The following PRDM4 variants were observed in gnomAD, a reference collection of about 807,000 sequenced individuals.
PRDM4 encodes the protein PR domain zinc finger protein 4.
Under a neutral mutation model 62.3 loss-of-function variants are expected in PRDM4, and 38 were observed. That is an observed-to-expected ratio of 0.61 (90% CI 0.47 to 0.80). PRDM4 has a LOEUF of 0.80. PRDM4 is among the 30% of genes least tolerant of loss of function. The probability of loss-of-function intolerance (pLI) is 0.00; values close to 1 mark genes in which losing one functional copy is unlikely to be tolerated. For synonymous variants in PRDM4, 339 were observed against 348.2 expected, an observed-to-expected ratio of 0.97 and a Z score of 0.30; for missense variants, 858 against 997.1, an observed-to-expected ratio of 0.86 and a Z score of 1.88.
intron 5 of PRDM4, among the ~76,000 whole-genome samples, chr12:107,750,016 G>A (rs773057841): frequency 1.2e-4 from 18 of 152,174 alleles, no homozygotes; most frequent in Non-Finnish European, 1.9e-4. Flanking sequence ...GTGCTAACAT[G>A]TATGTTACTT....
intron 3 of PRDM4, among the ~76,000 whole-genome samples, chr12:107,754,596 T>C (rs571757641): frequency 6.6e-6 from 1 of 152,288 alleles, no homozygotes; most frequent in East Asian, 1.9e-4. Flanking sequence ...TTGGCCAGGC[T>C]GGTCTCGAAC....
intron 4 of PRDM4, among the ~76,000 whole-genome samples, chr12:107,752,694 T>C (rs1470816276): frequency 6.6e-6 from 1 of 152,110 alleles, no homozygotes; most frequent in Non-Finnish European, 1.5e-5. Flanking sequence ...CTTGGGAGGA[T>C]ATGGTGAAAT....
intron 3 of PRDM4, chr12:107,754,993 T>G (rs1454445958): frequency 6.6e-6 from 1 of 152,258 alleles, no homozygotes; most frequent in Non-Finnish European, 1.5e-5. Context: ...GAGTTATATG[T>G]ACTTGCAAAG....
chr12:107,739,684 C>G, intron 10 of PRDM4, 133 bp from the exon 11 acceptor site: 1 of 871,960 alleles, frequency 1.1e-6, no homozygotes, highest in Non-Finnish European at 1.7e-6. Flanking sequence ...ATTTTACTTT[C>G]TAGGGTTGTC....
chr12:107,736,334 G>A (rs1345563918), intron 11 of PRDM4, among the ~76,000 whole-genome samples: 1 of 152,216 alleles, frequency 6.6e-6, no homozygotes, highest in African/African-American at 2.4e-5. Context: ...AGATAAGATA[G>A]TCAAGGAAGG....
In PRDM4 at chr12:107,756,690, C is replaced by T. The variant is rs1038821451; in HGVS notation, c.145+142G>A. 4 of 965,456 alleles carry T rather than the reference C, an allele frequency of 4.1e-6. No homozygotes were observed. In the African/African-American group the frequency reaches 5.0e-5, roughly 12 times the overall value. The allele number at this position is 965,456 out of a possible 1,614,324, so 59.8% of individuals were successfully genotyped here. Reference sequence around the variant, plus strand: ...AAACCTTATTTTCCATTACCTATCACATGTTGAACCACCATTCAGGCCTGC... The same window carrying T: ...AAACCTTATTTTCCATTACCTATCATATGTTGAACCACCATTCAGGCCTGC... On this transcript the variant is annotated intron_variant, in intron 3 of 11. Transcript: ENST00000228437.
At chr12:107,739,642 C>A in intron 10 of PRDM4, 91 bp from the exon 11 acceptor site, 1 of 1,352,566 alleles carries the variant, frequency 7.4e-7, no homozygotes, top group South Asian at 1.4e-5. Context: ...GCAGCAGAGG[C>A]AGGAATGAAA....
At chr12:107,744,836 G>T (rs947960276) in intron 6 of PRDM4, among the ~76,000 whole-genome samples, 175 bp from the exon 7 acceptor site, 1 of 152,102 alleles carries the variant, frequency 6.6e-6, no homozygotes, top group Non-Finnish European at 1.5e-5. Context: ...GAGGTGGGCA[G>T]ATCACCTGAG....
intron 5 of PRDM4, among the ~76,000 whole-genome samples, chr12:107,747,614 A>G (rs555068924): frequency 6.6e-6 from 1 of 152,142 alleles, no homozygotes; most frequent in South Asian, 2.1e-4. Flanking sequence ...TCTTACTACA[A>G]CTTCACTTTC....
At chr12:107,743,332 A>T (rs1890581329) in intron 7 of PRDM4, 50 bp from the exon 8 acceptor site, 1 of 1,325,948 alleles carries the variant, frequency 7.5e-7, no homozygotes, top group Admixed American at 1.7e-5. Flanking sequence ...CATGCAATAA[A>T]GCACTACATT....
intron 6 of PRDM4, among the ~76,000 whole-genome samples, chr12:107,746,053 C>T (rs1471657218): frequency 2.0e-5 from 3 of 152,142 alleles, no homozygotes; most frequent in South Asian, 2.1e-4. Context: ...TTGCTTTACT[C>T]AATACTGATT....
Position 107,739,395 on chromosome 12 carries a change from A to C in PRDM4, c.2081T>G (p.Leu694Arg). The C allele has an allele frequency of 6.2e-7, 1 of 1,613,312 alleles. No homozygotes were observed. The highest frequency in any genetic ancestry group is 8.5e-7 in the Non-Finnish European group (1 of 1,179,686). Residue 694 changes from leucine (L) to arginine (R), a missense_variant, in exon 11 of 12, where the codon CTC (leucine) becomes CGC (arginine). Physicochemically the swap from Leu to Arg is moderately radical, Grantham distance 102 (BLOSUM62 -2). Around this residue, in one of 3 missense-constraint regions of PRDM4, gnomAD observed 355 missense variants for 432.6 expected, o/e 0.82. Coordinates refer to ENST00000228437, the MANE Select transcript of PRDM4 (RefSeq NM_012406.4). ...MRRQDLKQHV[L>R]IHTQERQIKC... ...CAGGGTAACTTACTGAGTGTGGATGAGCACGTGCTGCTTGAGGTCCTGCCT... is the reference window on the plus strand; with the variant it reads ...CAGGGTAACTTACTGAGTGTGGATGCGCACGTGCTGCTTGAGGTCCTGCCT...
rs776044754 is a variant in PRDM4 at position 107,734,221 on chromosome 12, CAGAA to C, written c.2391_2394del (p.Ser798HisfsTer22). The C allele has an allele frequency of 7.1e-5, 113 of 1,586,120 alleles. No individual in the cohort carries two copies. The East Asian group carries it at 2.4e-3, about 34-fold the overall frequency. On this transcript the variant is annotated frameshift_variant, in exon 12 of 12. Transcript: ENST00000228437. LOFTEE classifies it high-confidence loss of function. ...TGTTTCTTTTCCTTTTATTTATGTG[CAGAA>C]AGAGACTCATCCGCTGAATACACAG...
chr12:107,739,238 C>T, intron 11 of PRDM4, 145 bp downstream of exon 11: 1 of 840,946 alleles, frequency 1.2e-6, no homozygotes, highest in South Asian at 2.7e-5. Flanking sequence ...GGCTTGGCTA[C>T]ATGGAACACA....
chr12:107,739,363 T>C lies in PRDM4; in HGVS notation c.2093+20A>G. ...GGCTCACCACCTGAGGAACGACGTC[T>C]TGGCTGCAGGGTAACTTACTGAGTG... On this transcript the variant is annotated intron_variant, in intron 11 of 11. Coordinates refer to ENST00000228437, the MANE Select transcript of PRDM4 (RefSeq NM_012406.4). 5.0e-6 allele frequency: 8 copies of C among 1,609,818 alleles called. No individual in the cohort carries two copies. The highest frequency in any genetic ancestry group is 6.8e-6 in the Non-Finnish European group (8 of 1,178,060).
At position 107,733,389 on chromosome 12, in the gene PRDM4, T is replaced by C. The variant is rs1409221815; in HGVS notation, c.*821A>G. On this transcript the variant is annotated 3_prime_UTR_variant, in exon 12 of 12. Coordinates refer to ENST00000228437, the MANE Select transcript of PRDM4 (RefSeq NM_012406.4). ...TCATCAGGAGACAATCCAGCAGGCA[T>C]TATTTGGGCTCTCTGTATCTCCAGG... The C allele has an allele frequency of 1.3e-5, 1 of 79,588 alleles. No individual in the cohort carries two copies. The highest frequency in any genetic ancestry group is 4.2e-5 in the Non-Finnish European group (1 of 23,596). The allele number at this position is 79,588 out of a possible 1,614,324, so 4.9% of individuals were successfully genotyped here.
In PRDM4 at chr12:107,751,841, G is replaced by A. The variant is rs1265760664; in HGVS notation, c.700C>T (p.Pro234Ser). 1 of 1,614,076 alleles carries A rather than the reference G, an allele frequency of 6.2e-7. No individual in the cohort carries two copies. The highest frequency in any genetic ancestry group is 8.5e-7 in the Non-Finnish European group (1 of 1,180,032). Reference sequence around the variant, plus strand: ...TTGCTCACAGAATCCACAGACAGAGGTTCATGACTTCTGGAGCCATTTGGG... The same window carrying A: ...TTGCTCACAGAATCCACAGACAGAGATTCATGACTTCTGGAGCCATTTGGG... Reference protein sequence around the residue: ...QIPNGSRSHEPLSVDSVSNNL... With the variant: ...QIPNGSRSHESLSVDSVSNNL... Residue 234 changes from proline to serine, a missense_variant, in exon 5 of 12, where the codon CCT becomes TCT. Coordinates refer to ENST00000228437, the MANE Select transcript of PRDM4 (RefSeq NM_012406.4).
intron 4 of PRDM4, 84 bp downstream of exon 4, chr12:107,753,840 A>G (rs780055627): frequency 1.0e-5 from 13 of 1,282,144 alleles, no homozygotes; most frequent in African/African-American, 1.5e-5. Context: ...AACAGAAAAA[A>G]GTGTTATTCA....
At chr12:107,753,619 A>AT (rs1165524492) in intron 4 of PRDM4, among the ~76,000 whole-genome samples, 1 of 152,184 alleles carries the variant, frequency 6.6e-6, no homozygotes, top group Non-Finnish European at 1.5e-5. Context: ...ACAAGACACT[A>AT]TAGTGCTTGA....
Sources: gnomAD v4.1 joint callset for allele counts (sites outside exome capture counted in the v4.1 genomes callset) on GRCh38, gnomAD v4.1.1 for gene constraint, gnomAD v4.1.1 regional missense constraint, MANE v1.5 for transcripts, NCBI Gene and HGNC (gene_info 2026-07-23, HGNC 2026-07-21) for gene names.